Variants in PATJ observed in about 807,000 individuals in gnomAD.
PATJ encodes inaD-like protein.
In PATJ, 190 loss-of-function variants were observed where a neutral mutation model predicts 224.9. That is an observed-to-expected ratio of 0.84 (90% CI 0.75 to 0.95). The LOEUF (loss-of-function observed/expected upper bound fraction) is 0.95, where lower values mean the gene tolerates loss of function less well. Ranked by LOEUF, PATJ falls within the 40% of genes least tolerant of loss-of-function variation. The pLI, the probability that PATJ is intolerant of heterozygous loss-of-function variation, is 0.00. For missense variants in PATJ, 2,121 were observed against 2,270.3 expected, an observed-to-expected ratio of 0.93 and a Z score of 1.34; for synonymous variants, 769 against 820.3, an observed-to-expected ratio of 0.94 and a Z score of 1.07.
At chr1:61,779,429 C>G (rs915292346) in intron 7 of PATJ, among the ~76,000 whole-genome samples, 35 of 152,224 alleles carry the variant, frequency 2.3e-4, no homozygotes, top group Admixed American at 1.0e-3. Context: ...AATTCTTCAA[C>G]TGATTGGATG....
intron 37 of PATJ, among the ~76,000 whole-genome samples, chr1:62,118,799 T>C (rs1208968197): frequency 6.6e-6 from 1 of 152,014 alleles, no homozygotes; most frequent in Non-Finnish European, 1.5e-5. Flanking sequence ...CCGGCTAATT[T>C]TTGTATTTTT....
rs534732051 is a variant in PATJ, at chr1:61,805,345, T to A, written c.1550-103T>A. 8.3e-4 allele frequency: 595 copies of A among 716,078 alleles called. 1 individual carries two copies. The highest frequency in any genetic ancestry group is 1.2e-4 in the Non-Finnish European group (48 of 408,568). The allele number at this position is 716,078 out of a possible 1,614,324, so 44.4% of individuals were successfully genotyped here. A position where few individuals can be genotyped will look rare whatever the true frequency, so the allele number is the denominator to read the frequency against. On this transcript the variant is annotated intron_variant, in intron 12 of 43. Coordinates refer to ENST00000642238, the MANE Select transcript of PATJ (RefSeq NM_001350145.3). ...TCCTTTTTATTCATTTCCCCTTTAC[T>A]TACTGAAACTGGGCTGTTATTGAAG...
At chr1:62,160,799 A>T in intron 43 of PATJ, 109 bp from the exon 44 acceptor site, 1 of 1,166,174 alleles carries the variant, frequency 8.6e-7, no homozygotes, top group South Asian at 1.8e-5. Flanking sequence ...GGTAGTTTTT[A>T]AAGTTACTCT....
At chr1:61,870,307 C>G (rs574560651) in intron 20 of PATJ, among the ~76,000 whole-genome samples, 1 of 152,282 alleles carries the variant, frequency 6.6e-6, no homozygotes, top group South Asian at 2.1e-4. Context: ...AGAGTTTCAC[C>G]ATCAAGCTGT....
chr1:61,805,589 G>A (rs892211026), intron 13 of PATJ, 65 bp downstream of exon 13: 28 of 1,002,162 alleles, frequency 2.8e-5, no homozygotes, highest in Admixed American at 2.6e-4. Context: ...CTAACAGTAC[G>A]ATCCAAAGAA....
At chr1:61,825,735 AATAAATAATGAG>A (rs1363575701) in intron 15 of PATJ, among the ~76,000 whole-genome samples, 1 of 152,218 alleles carries the variant, frequency 6.6e-6, no homozygotes, top group African/African-American at 2.4e-5. Context: ...AATTCAAATG[AATAAATAATGAG>A]ATAAATAAAT....
chr1:62,062,202 C>T, intron 31 of PATJ, among the ~76,000 whole-genome samples: 1 of 147,174 alleles, frequency 6.8e-6, no homozygotes, highest in African/African-American at 2.7e-5. Context: ...TTTACATTCC[C>T]ACCAATAAAT....
In PATJ at chr1:61,799,648, C is replaced by G. The variant is rs1003820694; in HGVS notation, c.1403-1975C>G. Among the ~76,000 whole-genome samples the G allele has an allele frequency of 2.4e-4, 36 of 152,008 alleles. 1 individual carries two copies. The highest frequency in any genetic ancestry group is 1.5e-5 in the Non-Finnish European group (1 of 68,014). On this transcript the variant is annotated intron_variant, in intron 11 of 43. Transcript: ENST00000642238. Reference sequence around the variant, plus strand: ...TTGGGGTTTGGTCTTCTAGTATACCCATCACTCAAATAGTGAACATCATAC... The same window carrying G: ...TTGGGGTTTGGTCTTCTAGTATACCGATCACTCAAATAGTGAACATCATAC...
chr1:62,040,470 A>T (rs954123184), intron 30 of PATJ, among the ~76,000 whole-genome samples: 2 of 152,140 alleles, frequency 1.3e-5, no homozygotes, highest in African/African-American at 2.4e-5. Flanking sequence ...AGAAAAAAAT[A>T]ATTATCTCTT....
intron 29 of PATJ, among the ~76,000 whole-genome samples, chr1:62,022,891 C>T (rs1475647230): frequency 1.3e-5 from 2 of 152,162 alleles, no homozygotes; most frequent in Non-Finnish European, 2.9e-5. Context: ...GGCTCGTTAT[C>T]CTCTGGCCAT....
intron 17 of PATJ, among the ~76,000 whole-genome samples, chr1:61,835,833 T>A (rs571426826): frequency 1.3e-5 from 2 of 152,350 alleles, no homozygotes; most frequent in South Asian, 4.1e-4. Context: ...GGGAATTTGT[T>A]AATAATCGAT....
chr1:62,062,078 T>C (rs865975484), intron 31 of PATJ, among the ~76,000 whole-genome samples: 9 of 152,216 alleles, frequency 5.9e-5, no homozygotes, highest in Admixed American at 2.6e-4. Context: ...TCTGGTAGAA[T>C]AACTTATTTT....
chr1:62,063,382 G>A (rs1655878154), intron 31 of PATJ, among the ~76,000 whole-genome samples: 2 of 152,144 alleles, frequency 1.3e-5, no homozygotes, highest in South Asian at 4.1e-4. Context: ...TTTTGTGCCA[G>A]TACCATGCTG....
chr1:61,816,275 A>G (rs1297889688), intron 14 of PATJ: 3 of 152,156 alleles, frequency 2.0e-5, no homozygotes, highest in Non-Finnish European at 4.4e-5. Flanking sequence ...ATTTTCTCCT[A>G]TATTTCTAAT....
intron 29 of PATJ, among the ~76,000 whole-genome samples, chr1:62,019,718 TC>T (rs1191817615): frequency 6.6e-6 from 1 of 151,962 alleles, no homozygotes; most frequent in Non-Finnish European, 1.5e-5. Flanking sequence ...GGTTTTCTTG[TC>T]CTTTCTTTTG....
At position 61,908,438 on chromosome 1, in the gene PATJ, A is replaced by T. The variant is rs1672152810; in HGVS notation, c.3448A>T (p.Asn1150Tyr). Residue 1150 changes from asparagine to tyrosine, a missense_variant, in exon 25 of 44, where the codon AAC becomes TAC. Transcript: ENST00000642238. ...EAVEAIKNAG[N>Y]PVVFIVQSLS... is the part of the protein sequence containing the mutation. ...AGTTGAGGCCATTAAGAATGCAGGA[A>T]ACCCTGTGGTGTTCATTGTTCAGAG... The T allele has an allele frequency of 6.2e-7, 1 of 1,613,922 alleles. No individual in the cohort carries two copies. The highest frequency in any genetic ancestry group is 1.3e-5 in the African/African-American group (1 of 74,930).
chr1:61,919,465 A>G (rs538458399), intron 26 of PATJ, among the ~76,000 whole-genome samples: 1 of 149,164 alleles, frequency 6.7e-6, no homozygotes, highest in Admixed American at 6.7e-5. Context: ...CACCACGCCC[A>G]GCTAGTTTTT....
chr1:62,038,878 A>G lies in PATJ; in HGVS notation c.4032+829A>G, dbSNP rs961436999. Reference sequence around the variant, plus strand: ...CTTGGAGCAGCGCATAGAAGATACAATGAAGAATCCCTCCATTGTTGGAGT... The same window carrying G: ...CTTGGAGCAGCGCATAGAAGATACAGTGAAGAATCCCTCCATTGTTGGAGT... On this transcript the variant is annotated intron_variant, in intron 30 of 43. Coordinates refer to ENST00000642238, the MANE Select transcript of PATJ (RefSeq NM_001350145.3). The G allele has an allele frequency of 4.1e-4, 337 of 816,950 alleles. 2 individuals are homozygous for G. The highest frequency in any genetic ancestry group is 7.5e-5 in the Non-Finnish European group (35 of 465,350). The allele number at this position is 816,950 out of a possible 1,614,324, so 50.6% of individuals were successfully genotyped here. A position where few individuals can be genotyped will look rare whatever the true frequency, so the allele number is the denominator to read the frequency against.
At chr1:61,983,827 C>T (rs1251447354) in intron 27 of PATJ, among the ~76,000 whole-genome samples, 2 of 151,946 alleles carry the variant, frequency 1.3e-5, no homozygotes, top group East Asian at 1.9e-4. Flanking sequence ...ACCATGAAGA[C>T]AGATGGACAA....
Sources: allele counts gnomAD v4.1 joint callset (sites outside exome capture counted in the v4.1 genomes callset), GRCh38; gene constraint gnomAD v4.1.1; transcripts MANE v1.5; gene names NCBI Gene and HGNC (gene_info 2026-07-23, HGNC 2026-07-21).